COL6A3: variants seen among roughly 807,000 people sequenced by gnomAD.
The protein encoded by COL6A3 is collagen type VI alpha 3 chain.
In COL6A3, 137 loss-of-function variants were observed where a neutral mutation model predicts 274.1. That is an observed-to-expected ratio of 0.50 (90% CI 0.44 to 0.58). The LOEUF is 0.58. Among genes scored for constraint, COL6A3 ranks in the 20% least tolerant of loss-of-function variants. The pLI is 0.00. For missense variants in COL6A3, 3,950 were observed against 4,124.9 expected, an observed-to-expected ratio of 0.96 and a Z score of 1.16; for synonymous variants, 1,650 against 1,650.6, an observed-to-expected ratio of 1.00 and a Z score of 0.01.
Position 237,361,612 on chromosome 2 carries a change from C to T in COL6A3, c.6156+127G>A, listed in dbSNP as rs909679432. ...TGCCCCTCAGAGCTCCTCCTTCTAA[C>T]ATAAGAAATGGTCTCTCGTCTCCTC... On this transcript the variant is annotated intron_variant, in intron 15 of 43. Transcript: ENST00000295550. The surrounding 1 kb of genome is among the most constrained non-coding windows in gnomAD (Gnocchi z 5.1). The T allele has an allele frequency of 2.2e-6, 2 of 930,020 alleles. No homozygotes were observed. The highest frequency in any genetic ancestry group is 1.3e-5 in the South Asian group (1 of 75,902). The allele number at this position is 930,020 out of a possible 1,614,324, so 57.6% of individuals were successfully genotyped here.
In COL6A3 at chr2:237,359,191, A is replaced by G. The variant is rs2077381935; in HGVS notation, c.6354+15T>C. 1 of 1,614,132 alleles carries G rather than the reference A, an allele frequency of 6.2e-7. No individual in the cohort carries two copies. The highest frequency in any genetic ancestry group is 1.1e-5 in the South Asian group (1 of 91,086). On this transcript the variant is annotated intron_variant, in intron 19 of 43. Coordinates refer to ENST00000295550, the MANE Select transcript of COL6A3 (RefSeq NM_004369.4). ...AGAACCAAAAGCAGTTTGGACTTAG[A>G]GTAAAATCACTTACATCTTCACCAT...
At position 237,368,944 on chromosome 2, in the gene COL6A3, T is replaced by C; in HGVS notation, c.4519A>G (p.Arg1507Gly). The C allele has an allele frequency of 6.2e-7, 1 of 1,614,204 alleles. No homozygotes were observed. The highest frequency in any genetic ancestry group is 8.5e-7 in the Non-Finnish European group (1 of 1,180,032). Residue 1507 changes from arginine to glycine, a missense_variant, in exon 10 of 44, where the codon AGG becomes GGG. Around this residue, in one of 5 missense-constraint regions of COL6A3, gnomAD observed 1,934 missense variants for 1,984.3 expected, o/e 0.97. Coordinates refer to ENST00000295550, the MANE Select transcript of COL6A3 (RefSeq NM_004369.4). The surrounding 1 kb of genome is among the most constrained non-coding windows in gnomAD (Gnocchi z 4.4). ...APVLDAIRRL[R>G]LRGGSPLNTG... is the part of the protein sequence containing the mutation. ...TTCAGTGGGGACCCCCCTCTGAGCC[T>C]CAGGCGCCGTATGGCGTCCAGCACC...
At chr2:237,334,973 G>C in intron 40 of COL6A3, 84 bp from the exon 41 acceptor site, 2 of 1,523,804 alleles carry the variant, frequency 1.3e-6, no homozygotes, top group South Asian at 2.3e-5. Flanking sequence ...ATCTGAAAGG[G>C]ATGTGTTAAC....
chr2:237,386,166 G>A (rs1237280876), intron 4 of COL6A3, among the ~76,000 whole-genome samples: 3 of 152,228 alleles, frequency 2.0e-5, no homozygotes, highest in African/African-American at 7.2e-5. Context: ...AACTCAGTGT[G>A]AATTTTGTAA....
chr2:237,340,748 A>G lies in COL6A3; in HGVS notation c.8168T>C (p.Ile2723Thr), dbSNP rs373108028. ...TGGGGCACTTTCAAAGACATTCTCT[A>G]TGGTGTATTCAATGGCACTGCCTAA... ...RALGSAIEYT[I>T]ENVFESAPNP... Residue 2723 changes from isoleucine to threonine, a missense_variant, in exon 38 of 44, where the codon ATA becomes ACA. Ile to Thr is a moderately conservative substitution (Grantham distance 89). This residue lies in a region of COL6A3 where 1,284 missense variants were observed against 1,349.7 expected (regional missense o/e 0.95). Coordinates refer to ENST00000295550, the MANE Select transcript of COL6A3 (RefSeq NM_004369.4). The G allele has an allele frequency of 4.6e-5, 75 of 1,614,104 alleles. 1 individual carries two copies. The East Asian group carries it at 7.8e-4, about 17-fold the overall frequency.
In COL6A3 at chr2:237,377,249, C is replaced by T. The variant is rs1366963467; in HGVS notation, c.2593G>A (p.Glu865Lys). Residue 865 changes from glutamate (E) to lysine (K), a missense_variant, in exon 7 of 44, where the codon GAG becomes AAG. Around this residue, in one of 5 missense-constraint regions of COL6A3, gnomAD observed 1,934 missense variants for 1,984.3 expected, o/e 0.97. Coordinates refer to ENST00000295550, the MANE Select transcript of COL6A3 (RefSeq NM_004369.4). ...VRDFLYKIIDELNVKPEGTRI... is the reference protein window; with the variant it reads ...VRDFLYKIIDKLNVKPEGTRI... Reference sequence around the variant, plus strand: ...GTCCCCTCTGGCTTCACATTGAGCTCATCGATAATCTTGTAGAGAAAGTCA... The same window carrying T: ...GTCCCCTCTGGCTTCACATTGAGCTTATCGATAATCTTGTAGAGAAAGTCA... 1 of 1,611,228 alleles carries T rather than the reference C, an allele frequency of 6.2e-7. No homozygotes were observed. Among genetic ancestry groups the T allele is most frequent in the Non-Finnish European group, 8.5e-7 (1 of 1,180,020 alleles).
At chr2:237,384,243 C>T (rs899460130) in intron 4 of COL6A3, among the ~76,000 whole-genome samples, 3 of 152,094 alleles carry the variant, frequency 2.0e-5, no homozygotes, top group African/African-American at 4.8e-5. Context: ...CTTCTGTGAG[C>T]CACGTCAGGG....
At position 237,381,295 on chromosome 2, in the gene COL6A3, C is replaced by T. The variant is rs779169751; in HGVS notation, c.1517G>A (p.Arg506Lys). The part of the protein sequence containing the change: ...EFYFNTHPTK[R>K]EVITAVRKMK... ...TTTCCGCACAGCGGTTATGACTTCCCTTTTTGTTGGATGGGTATTGAAATA... is the reference window on the plus strand; with the variant it reads ...TTTCCGCACAGCGGTTATGACTTCCTTTTTTGTTGGATGGGTATTGAAATA... Residue 506 changes from arginine to lysine, a missense_variant, in exon 5 of 44, where the codon AGG becomes AAG. By Grantham distance (26) the Arg-to-Lys change is conservative. Coordinates refer to ENST00000295550, the MANE Select transcript of COL6A3 (RefSeq NM_004369.4). The T allele has an allele frequency of 2.5e-6, 4 of 1,614,240 alleles. No homozygotes were observed. The highest frequency in any genetic ancestry group is 3.4e-6 in the Non-Finnish European group (4 of 1,180,042).
chr2:237,367,846 C>T (rs1010346191), intron 10 of COL6A3, among the ~76,000 whole-genome samples: 3 of 152,058 alleles, frequency 2.0e-5, no homozygotes, highest in African/African-American at 7.3e-5. Context: ...AGGGTAATTT[C>T]TTGATTATAA....
At chr2:237,360,995 A>AT (rs2077423628) in intron 16 of COL6A3, 126 bp downstream of exon 16, 1 of 815,120 alleles carries the variant, frequency 1.2e-6, no homozygotes, top group Admixed American at 1.9e-5. Flanking sequence ...AAAAGTATAA[A>AT]TTAATTTTTC....
At chr2:237,330,748 G>A (rs746702140) in intron 42 of COL6A3, among the ~76,000 whole-genome samples, 1 of 152,178 alleles carries the variant, frequency 6.6e-6, no homozygotes, top group Non-Finnish European at 1.5e-5. Context: ...TGATAAACAA[G>A]CATCTATTCA....
At chr2:237,347,783 C>A in intron 31 of COL6A3, 24 bp downstream of exon 31, 2 of 1,603,194 alleles carry the variant, frequency 1.2e-6, no homozygotes, top group East Asian at 4.5e-5. Context: ...TCCTCACCTG[C>A]AGCCAAGGCC....
chr2:237,406,585 G>T (rs1016864476), intron 1 of COL6A3, among the ~76,000 whole-genome samples: 1 of 151,540 alleles, frequency 6.6e-6, no homozygotes, highest in East Asian at 1.9e-4. Flanking sequence ...CCTTTGCCAC[G>T]CCCATTCCTA....
intron 13 of COL6A3, 105 bp from the exon 14 acceptor site, chr2:237,363,503 G>C: frequency 7.7e-7 from 1 of 1,299,362 alleles, no homozygotes; most frequent in Non-Finnish European, 1.1e-6. Flanking sequence ...GTAAAATTTA[G>C]CTTTTAACTT....
chr2:237,405,510 C>G (rs540234694), intron 1 of COL6A3, among the ~76,000 whole-genome samples: 3 of 152,090 alleles, frequency 2.0e-5, no homozygotes, highest in Non-Finnish European at 4.4e-5. Context: ...ACCACCCTCC[C>G]GGAGGAAGGA....
At chr2:237,369,926 C>A (rs1364778699) in intron 9 of COL6A3, among the ~76,000 whole-genome samples, 2 of 151,898 alleles carry the variant, frequency 1.3e-5, no homozygotes, top group Non-Finnish European at 2.9e-5. Context: ...CAGCCTTGAC[C>A]TCCCAGGCTC....
At position 237,357,806 on chromosome 2, in the gene COL6A3, C is replaced by T; in HGVS notation, c.6537+11G>A. ...AGTACAGGGAGAGTCTAGGAATGTG[C>T]AGCACCTTACCATGGGGCCGAGGTC... On this transcript the variant is annotated intron_variant, in intron 22 of 43. Transcript: ENST00000295550. The T allele has an allele frequency of 1.2e-6, 2 of 1,613,752 alleles. No individual in the cohort carries two copies. The highest frequency in any genetic ancestry group is 4.5e-5 in the East Asian group (2 of 44,886).
At position 237,340,948 on chromosome 2, in the gene COL6A3, C is replaced by A; in HGVS notation, c.7968G>T (p.Lys2656Asn). 6.2e-7 allele frequency: 1 copy of A among 1,613,988 alleles called. No individual in the cohort carries two copies. Among genetic ancestry groups the A allele is most frequent in the Non-Finnish European group, 8.5e-7 (1 of 1,179,882 alleles). The change falls in exon 38 of 44, where the codon AAG becomes AAT. Residue 2656 changes from lysine to asparagine, a missense_variant. This residue lies in a region of COL6A3 where 1,284 missense variants were observed against 1,349.7 expected (regional missense o/e 0.95). Transcript: ENST00000295550. ...CCACTCTGGCGAAGTGCTGGGAGGCCTTGGGATCTGGGCTCATGTCCAGTT... is the reference window on the plus strand; with the variant it reads ...CCACTCTGGCGAAGTGCTGGGAGGCATTGGGATCTGGGCTCATGTCCAGTT... ...VRQLDMSPDP[K>N]ASQHFARVAV...
chr2:237,368,649 A>G lies in COL6A3; in HGVS notation c.4814T>C (p.Ile1605Thr). 1.9e-6 allele frequency: 3 copies of G among 1,614,002 alleles called. No homozygotes were observed. Among genetic ancestry groups the G allele is most frequent in the Non-Finnish European group, 2.5e-6 (3 of 1,179,996 alleles). Residue 1605 changes from isoleucine (I) to threonine (T), a missense_variant, in exon 10 of 44, where the codon ATA (isoleucine) becomes ACA (threonine). By Grantham distance (89) the Ile-to-Thr change is moderately conservative (BLOSUM62 -1). Around this residue, in one of 5 missense-constraint regions of COL6A3, gnomAD observed 632 missense variants for 623.4 expected, o/e 1.01. Coordinates refer to ENST00000295550, the MANE Select transcript of COL6A3 (RefSeq NM_004369.4). This position sits in a 1 kb window ranked among gnomAD's most constrained non-coding sequence, Gnocchi z 4.4. ...AAACGAGTTCATGATTCTTTCTTCT[A>G]TGTTGGGAAGCTCTCTGAACTCTCG... ...TVREFRELPN[I>T]EERIMNSFGP...
Sources: allele counts gnomAD v4.1 joint callset (sites outside exome capture counted in the v4.1 genomes callset), GRCh38; gene constraint gnomAD v4.1.1; regional missense constraint gnomAD v4.1.1; non-coding constraint Gnocchi (gnomAD v3.1); transcripts MANE v1.5; gene names NCBI Gene and HGNC (gene_info 2026-07-23, HGNC 2026-07-21).